DAB1: variants seen among roughly 807,000 people sequenced by gnomAD.
DAB1 encodes the protein DAB adaptor protein 1.
DAB1 carries 15 observed loss-of-function variants against 64.6 expected under a neutral mutation model. The observed-to-expected ratio is 0.23, with a 90% CI of 0.16 to 0.36. The LOEUF is 0.36. Among genes scored for constraint, DAB1 ranks in the 10% least tolerant of loss-of-function variants. The pLI, the probability that DAB1 is intolerant of heterozygous loss-of-function variation, is 1.00. For missense variants in DAB1, 596 were observed against 706.7 expected, an observed-to-expected ratio of 0.84 and a Z score of 1.78; for synonymous variants, 235 against 251.9, an observed-to-expected ratio of 0.93 and a Z score of 0.64.
intron 4 of DAB1, among the ~76,000 whole-genome samples, chr1:58,272,734 G>A (rs1569589720): frequency 6.6e-6 from 1 of 151,960 alleles, no homozygotes; most frequent in South Asian, 2.1e-4. Flanking sequence ...ATATATTTAG[G>A]ATAGTTAGCT....
intron 3 of DAB1, chr1:58,467,878 C>G (rs1378622743): frequency 6.5e-6 from 1 of 153,026 alleles, no homozygotes; most frequent in East Asian, 1.9e-4. Context: ...TAACCTCTCT[C>G]CTGAATTTGG....
chr1:58,300,628 G>GAGAGAGAC (rs1662125018), intron 4 of DAB1, among the ~76,000 whole-genome samples: 33 of 54,338 alleles, frequency 6.1e-4, no homozygotes, highest in African/African-American at 1.4e-3. Context: ...GAGAGAGAGA[G>GAGAGAGAC]AGAGAGAGAG....
intron 7 of DAB1, among the ~76,000 whole-genome samples, chr1:57,535,996 G>A (rs755136939): frequency 4.6e-5 from 7 of 152,140 alleles, no homozygotes; most frequent in Non-Finnish European, 8.8e-5. Flanking sequence ...AGTCCTGGAG[G>A]CATGGCTTGG....
At chr1:57,366,155 A>G (rs1344947218) in intron 1 of DAB1, among the ~76,000 whole-genome samples, 1 of 152,174 alleles carries the variant, frequency 6.6e-6, no homozygotes, top group Non-Finnish European at 1.5e-5. Flanking sequence ...TCAAGACCAA[A>G]ACAGCAAAAT....
chr1:57,730,892 G>A (rs1421228856), intron 6 of DAB1, among the ~76,000 whole-genome samples: 1 of 152,200 alleles, frequency 6.6e-6, no homozygotes, highest in African/African-American at 2.4e-5. Flanking sequence ...GTAAAAGGGT[G>A]CATCCTCTAT....
intron 2 of DAB1, among the ~76,000 whole-genome samples, chr1:57,214,710 A>T (rs1412357562): frequency 1.3e-5 from 2 of 152,016 alleles, no homozygotes; most frequent in Non-Finnish European, 2.9e-5. Flanking sequence ...GGAGATCGAG[A>T]CCATCCTGGC....
intron 7 of DAB1, among the ~76,000 whole-genome samples, chr1:57,523,518 C>A (rs1054754576): frequency 1.3e-5 from 2 of 152,070 alleles, no homozygotes; most frequent in East Asian, 1.9e-4. Flanking sequence ...CTACAATAAG[C>A]AGAAAATACA....
intron 2 of DAB1, among the ~76,000 whole-genome samples, chr1:58,516,380 C>T (rs1238379074): frequency 6.6e-6 from 1 of 152,170 alleles, no homozygotes; most frequent in Non-Finnish European, 1.5e-5. Flanking sequence ...TTTACAGTGA[C>T]AAATGAATAT....
chr1:57,878,002 G>A (rs1208191744), intron 1 of DAB1, among the ~76,000 whole-genome samples: 1 of 152,112 alleles, frequency 6.6e-6, no homozygotes, highest in Non-Finnish European at 1.5e-5. Context: ...TTAACGCACT[G>A]TCTTTAGTCT....
intron 6 of DAB1, among the ~76,000 whole-genome samples, chr1:57,806,267 G>A (rs1569740654): frequency 6.6e-6 from 1 of 152,214 alleles, no homozygotes; most frequent in Non-Finnish European, 1.5e-5. Flanking sequence ...ATAAATTGGA[G>A]CCCTAACCCC....
At chr1:57,919,487 G>A (rs1329727460) in intron 5 of DAB1, among the ~76,000 whole-genome samples, 1 of 152,224 alleles carries the variant, frequency 6.6e-6, no homozygotes, top group Admixed American at 6.5e-5. Flanking sequence ...AGTCAGGGAT[G>A]ACTTTCCAGA....
intron 2 of DAB1, among the ~76,000 whole-genome samples, chr1:58,520,945 G>A (rs537854095): frequency 6.6e-6 from 1 of 152,110 alleles, no homozygotes; most frequent in South Asian, 2.1e-4. Flanking sequence ...CAACAAAATT[G>A]ACACACTTGG....
chr1:57,678,626 T>G (rs925355208), intron 6 of DAB1, among the ~76,000 whole-genome samples: 8 of 152,058 alleles, frequency 5.3e-5, no homozygotes, highest in Admixed American at 6.6e-5. Flanking sequence ...TGGAGGGTAT[T>G]GTTGGAGAGA....
chr1:57,479,500 T>G (rs923701845), intron 7 of DAB1, among the ~76,000 whole-genome samples: 1 of 151,266 alleles, frequency 6.6e-6, no homozygotes, highest in African/African-American at 2.4e-5. Flanking sequence ...AGTTATCTAA[T>G]GCAGCATATC....
intron 7 of DAB1, among the ~76,000 whole-genome samples, chr1:57,505,969 C>T (rs1644338776): frequency 6.6e-6 from 1 of 152,204 alleles, no homozygotes; most frequent in Admixed American, 6.5e-5. Context: ...CTGCACCTGG[C>T]TAACTTCTTA....
intron 7 of DAB1, among the ~76,000 whole-genome samples, chr1:57,614,868 CTTTTT>C (rs34907824): frequency 5.2e-5 from 2 of 38,742 alleles, no homozygotes; most frequent in African/African-American, 1.2e-4. Context: ...TTCTTTCTTT[CTTTTT>C]TTTTTTTTTT....
intron 4 of DAB1, among the ~76,000 whole-genome samples, chr1:58,314,935 A>C (rs1333453962): frequency 6.6e-6 from 1 of 152,186 alleles, no homozygotes. Flanking sequence ...AAAACTTAGA[A>C]GGTTGAGAGT....
At chr1:58,291,873 T>C (rs767756206) in intron 4 of DAB1, among the ~76,000 whole-genome samples, 1 of 152,226 alleles carries the variant, frequency 6.6e-6, no homozygotes, top group Non-Finnish European at 1.5e-5. Context: ...AACCTGACTG[T>C]ACCACAGAGT....
In DAB1 at chr1:56,996,869, A is replaced by G. The variant is rs112991304; in HGVS notation, c.*1275T>C. 1.1e-4 allele frequency: 17 copies of G among 152,194 alleles called. No homozygotes were observed. The highest frequency in any genetic ancestry group is 3.9e-4 in the African/African-American group (16 of 41,522). The allele number at this position is 152,194 out of a possible 1,614,324, so 9.4% of individuals were successfully genotyped here. On this transcript the variant is annotated 3_prime_UTR_variant, in exon 15 of 15. Coordinates refer to ENST00000371236, the MANE Select transcript of DAB1 (RefSeq NM_001365792.1). The stretch of plus-strand genomic sequence containing the variant: ...ATTATTAAAAATCATTTTCATTAAC[A>G]TTTATATTTACAAAAAAAAGACAAT...
Sources: gnomAD v4.1 joint callset for allele counts (sites outside exome capture counted in the v4.1 genomes callset) on GRCh38, gnomAD v4.1.1 for gene constraint, MANE v1.5 for transcripts, NCBI Gene and HGNC (gene_info 2026-07-23, HGNC 2026-07-21) for gene names.